The following YEATS4 variants were observed in gnomAD, a reference collection of about 807,000 sequenced individuals.
The protein encoded by YEATS4 is YEATS domain-containing protein 4.
Under a neutral mutation model 30.1 loss-of-function variants are expected in YEATS4, and 17 were observed. That is an observed-to-expected ratio of 0.56 (90% CI 0.39 to 0.85). YEATS4 has a LOEUF of 0.85. YEATS4 is among the 40% of genes least tolerant of loss of function. The pLI is 0.00. For missense variants in YEATS4, 142 were observed against 268.3 expected, an observed-to-expected ratio of 0.53 and a Z score of 3.29; for synonymous variants, 85 against 87.5, an observed-to-expected ratio of 0.97 and a Z score of 0.16.
intron 6 of YEATS4, among the ~76,000 whole-genome samples, chr12:69,377,331 A>G (rs1875908156): frequency 6.6e-6 from 1 of 152,162 alleles, no homozygotes; most frequent in African/African-American, 2.4e-5. Flanking sequence ...CCCTCTGAGT[A>G]CTGCTTTTGC....
At chr12:69,396,190 C>A in the YEATS4 span, among the ~76,000 whole-genome samples, 1 of 152,164 alleles carries the variant, frequency 6.6e-6, no homozygotes, top group Non-Finnish European at 1.5e-5. Context: ...TTAGTAAATT[C>A]TTTATTGTTG....
intron 4 of YEATS4, among the ~76,000 whole-genome samples, chr12:69,369,406 A>G (rs575297111): frequency 2.6e-5 from 4 of 152,176 alleles, no homozygotes; most frequent in Admixed American, 1.3e-4. Flanking sequence ...TTTTTTCTTC[A>G]TAGTTCATTG....
chr12:69,417,561 A>G, the YEATS4 span, among the ~76,000 whole-genome samples: 1 of 152,166 alleles, frequency 6.6e-6, no homozygotes, highest in Non-Finnish European at 1.5e-5. Flanking sequence ...CCTTGGTAGG[A>G]GGCTAAAAAT....
At chr12:69,426,325 C>A in the YEATS4 span, among the ~76,000 whole-genome samples, 1 of 152,172 alleles carries the variant, frequency 6.6e-6, no homozygotes, top group Non-Finnish European at 1.5e-5. Context: ...ATAGCTATGA[C>A]TCAGAATCCA....
intron 4 of YEATS4, among the ~76,000 whole-genome samples, chr12:69,370,340 C>G (rs1344077840): frequency 6.6e-6 from 1 of 152,192 alleles, no homozygotes; most frequent in Non-Finnish European, 1.5e-5. Flanking sequence ...TTTGTAAACT[C>G]TAATCTTCAA....
intron 6 of YEATS4, among the ~76,000 whole-genome samples, chr12:69,376,592 T>G (rs1020588856): frequency 1.3e-5 from 2 of 152,234 alleles, no homozygotes; most frequent in Non-Finnish European, 2.9e-5. Flanking sequence ...TTTTAAGGTG[T>G]TGTTGAATTC....
chr12:69,413,266 A>T, the YEATS4 span, among the ~76,000 whole-genome samples: 9 of 151,758 alleles, frequency 5.9e-5, no homozygotes, highest in African/African-American at 2.2e-4. Context: ...TGTTTTAGAA[A>T]TCAGCCAGTA....
chr12:69,380,395 A>G (rs1407988526), intron 6 of YEATS4, among the ~76,000 whole-genome samples: 1 of 152,208 alleles, frequency 6.6e-6, no homozygotes, highest in Non-Finnish European at 1.5e-5. Flanking sequence ...GATCCAGAAG[A>G]ATCCTCTGGA....
chr12:69,422,242 A>G, the YEATS4 span, among the ~76,000 whole-genome samples: 2 of 152,196 alleles, frequency 1.3e-5, no homozygotes, highest in Admixed American at 6.5e-5. Context: ...GTCAAAGTGA[A>G]TGAAGGAACA....
chr12:69,365,225 G>A (rs866760308), intron 2 of YEATS4, among the ~76,000 whole-genome samples: 18 of 152,038 alleles, frequency 1.2e-4, no homozygotes, highest in Middle Eastern at 3.4e-3. Flanking sequence ...CGAGGCAGGT[G>A]GATCACCTGA....
intron 1 of YEATS4, among the ~76,000 whole-genome samples, chr12:69,362,386 C>T (rs116662115): frequency 3.9e-5 from 6 of 152,258 alleles, no homozygotes; most frequent in African/African-American, 1.4e-4. Context: ...TCACAAATTA[C>T]TCCTAATATT....
chr12:69,417,856 GAA>G, the YEATS4 span, among the ~76,000 whole-genome samples: 2,235 of 101,918 alleles, frequency 0.022, 51 homozygotes, highest in African/African-American at 0.071. Context: ...TTACAATAGG[GAA>G]AAAAAAAAAA....
the YEATS4 span, among the ~76,000 whole-genome samples, chr12:69,419,979 G>A: frequency 6.6e-6 from 1 of 152,196 alleles, no homozygotes; most frequent in Non-Finnish European, 1.5e-5. Context: ...CTGGGCCTGA[G>A]TGGTTGAAGG....
intron 6 of YEATS4, among the ~76,000 whole-genome samples, chr12:69,388,180 C>T (rs989180828): frequency 6.6e-6 from 1 of 152,120 alleles, no homozygotes; most frequent in African/African-American, 2.4e-5. Flanking sequence ...CCCGCCTCAG[C>T]CTCACGCGTA....
chr12:69,363,879 G>A (rs1041115957), intron 2 of YEATS4, among the ~76,000 whole-genome samples: 3 of 152,144 alleles, frequency 2.0e-5, no homozygotes, highest in Admixed American at 6.5e-5. Context: ...GCAATAAAAA[G>A]TAAAGTACTG....
At chr12:69,378,525 G>C (rs1875956082) in intron 6 of YEATS4, among the ~76,000 whole-genome samples, 2 of 151,084 alleles carry the variant, frequency 1.3e-5, no homozygotes, top group Non-Finnish European at 3.0e-5. Flanking sequence ...TTTTATTTTT[G>C]TGTTTCTCTT....
intron 6 of YEATS4, 83 bp downstream of exon 6, chr12:69,371,058 T>C: frequency 7.3e-7 from 1 of 1,378,158 alleles, no homozygotes; most frequent in Non-Finnish European, 9.8e-7. Flanking sequence ...CTTTTACACT[T>C]TAAAAAAATG....
At position 69,390,241 on chromosome 12, in the gene YEATS4, A is replaced by C. The variant is rs772751086; in HGVS notation, c.609A>C (p.Ala203=). 1 of 1,601,734 alleles carries C rather than the reference A, an allele frequency of 6.2e-7. No homozygotes were observed. The highest frequency in any genetic ancestry group is 1.1e-5 in the South Asian group (1 of 87,422). Residue 203 remains alanine (A), a synonymous_variant, in exon 7 of 7, where the codon GCA becomes GCC. Coordinates refer to ENST00000247843, the MANE Select transcript of YEATS4 (RefSeq NM_006530.4). ...EIAELKERLK[A]SRETINCLKN... ...CAGAGCTTAAGGAGAGATTAAAAGCAAGTCGTGAAACTATAAATTGTTTAA... is the reference window on the plus strand; with the variant it reads ...CAGAGCTTAAGGAGAGATTAAAAGCCAGTCGTGAAACTATAAATTGTTTAA...
chr12:69,364,614 G>A (rs1474428113), intron 2 of YEATS4, among the ~76,000 whole-genome samples: 2 of 152,076 alleles, frequency 1.3e-5, no homozygotes, highest in South Asian at 4.1e-4. Context: ...TTAGCTTTAT[G>A]TAATATAATT....
Sources: gnomAD v4.1 joint callset for allele counts (sites outside exome capture counted in the v4.1 genomes callset) on GRCh38, gnomAD v4.1.1 for gene constraint, MANE v1.5 for transcripts, NCBI Gene and HGNC (gene_info 2026-07-23, HGNC 2026-07-21) for gene names.